TDRD3: variants seen among roughly 807,000 people sequenced by gnomAD.
TDRD3 encodes tudor domain containing 3.
A neutral mutation model predicts 86.7 loss-of-function variants in TDRD3; 45 were observed. The observed-to-expected ratio is 0.52, with a 90% CI of 0.41 to 0.67. TDRD3 has a LOEUF of 0.67. Ranked by LOEUF, TDRD3 falls within the 30% of genes least tolerant of loss-of-function variation. TDRD3 has a pLI of 0.00. For missense variants in TDRD3, 814 were observed against 889.0 expected (o/e 0.92, Z 1.07); for synonymous variants, 298 against 301.7 (o/e 0.99, Z 0.13).
intron 1 of TDRD3, among the ~76,000 whole-genome samples, chr13:60,411,334 A>G (rs888958404): frequency 2.0e-5 from 3 of 152,236 alleles, no homozygotes; most frequent in African/African-American, 7.2e-5. Context: ...CTTAATACTT[A>G]AATAATACAT....
rs764523642 is a variant in TDRD3 at position 60,509,713 on chromosome 13, C to T, written c.859-50C>T. The T allele has an allele frequency of 1.1e-5, 17 of 1,609,110 alleles. No homozygotes were observed. In the East Asian group the frequency reaches 3.8e-4, roughly 36 times the overall value. ...ACAGTAAGTAGTTAAAAGTTTATGC[C>T]TTGCCTTATCTGTGGGCTATCAGCC... On this transcript the variant is annotated intron_variant, in intron 8 of 13. Transcript: ENST00000377881.
chr13:60,420,181 T>TAAC lies in TDRD3; in HGVS notation c.42-19492_42-19490dup, dbSNP rs543442625. On this transcript the variant is annotated intron_variant, in intron 1 of 13. Transcript: ENST00000377881. ...TCCATAAAGGTTAATGTTTTTTACC[T>TAAC]AACAACAACAACAACAAAAAGAAAT... is the stretch of plus-strand genomic sequence containing the variant. Among the ~76,000 whole-genome samples the TAAC allele has an allele frequency of 2.5e-3, 381 of 152,174 alleles. 2 individuals carry two copies. The highest frequency in any genetic ancestry group is 8.9e-3 in the African/African-American group (368 of 41,540).
intron 2 of TDRD3, among the ~76,000 whole-genome samples, chr13:60,442,754 T>C (rs1198923176): frequency 6.6e-6 from 1 of 152,062 alleles, no homozygotes; most frequent in Non-Finnish European, 1.5e-5. Context: ...CTTTGTGAGA[T>C]AGGATTGGTG....
intron 2 of TDRD3, among the ~76,000 whole-genome samples, chr13:60,440,057 C>T (rs1014484041): frequency 2.6e-5 from 4 of 151,940 alleles, no homozygotes; most frequent in South Asian, 2.1e-4. Flanking sequence ...ACAATAGCTA[C>T]GTAATAGTAG....
intron 12 of TDRD3, among the ~76,000 whole-genome samples, chr13:60,555,602 A>T (rs1203488852): frequency 4.6e-5 from 7 of 152,214 alleles, no homozygotes; most frequent in African/African-American, 7.2e-5. Context: ...GAGGTAAATG[A>T]TACCAACGTA....
At chr13:60,466,836 C>T (rs1051705704) in intron 4 of TDRD3, among the ~76,000 whole-genome samples, 1 of 151,930 alleles carries the variant, frequency 6.6e-6, no homozygotes, top group Admixed American at 6.6e-5. Context: ...TTCTCACTTC[C>T]TCTCTGGTGG....
chr13:60,532,467 T>C (rs1957606086), intron 11 of TDRD3, among the ~76,000 whole-genome samples: 1 of 152,190 alleles, frequency 6.6e-6, no homozygotes, highest in South Asian at 2.1e-4. Context: ...GGCTTCTAAA[T>C]GTCTTGTCAA....
chr13:60,480,241 T>C (rs78855830), intron 5 of TDRD3, among the ~76,000 whole-genome samples: 1,686 of 152,326 alleles, frequency 0.011, 39 homozygotes, highest in African/African-American at 0.039. Flanking sequence ...TCATTTTTCC[T>C]TTGCTTATGA....
At chr13:60,499,080 A>G (rs1956777887) in intron 8 of TDRD3, among the ~76,000 whole-genome samples, 1 of 152,210 alleles carries the variant, frequency 6.6e-6, no homozygotes, top group Non-Finnish European at 1.5e-5. Flanking sequence ...AAAAGGCCAA[A>G]TGGAAGCCAT....
chr13:60,441,237 CTT>C (rs1239993296), intron 2 of TDRD3, among the ~76,000 whole-genome samples: 1 of 151,922 alleles, frequency 6.6e-6, no homozygotes, highest in East Asian at 1.9e-4. Context: ...TTAAGAAAAA[CTT>C]TCTACAGATT....
intron 12 of TDRD3, among the ~76,000 whole-genome samples, chr13:60,555,823 G>C (rs1051630781): frequency 1.3e-5 from 2 of 150,676 alleles, no homozygotes; most frequent in African/African-American, 2.4e-5. Context: ...TTTTACATAG[G>C]GTAGGAAAAA....
rs879453073 is a variant in TDRD3 at position 60,397,626 on chromosome 13, CCGGGCGGCGGGCCTGGGCCCCGGGCGG to C, written c.41+239_41+265del. On this transcript the variant is annotated intron_variant, in intron 1 of 13. Transcript: ENST00000377881. ...GGCGGCGGCGGCGGCGGCCTGGGCCCCGGGCGGCGGGCCTGGGCCCCGGGCGGCGGGCGGCGGGCCTGGGGAGAGGCC... is the reference window on the plus strand; with the variant it reads ...GGCGGCGGCGGCGGCGGCCTGGGCCCCGGGCGGCGGGCCTGGGGAGAGGCC... Among the ~76,000 whole-genome samples the C allele has an allele frequency of 5.0e-3, 473 of 94,302 alleles. 6 individuals are homozygous for C. Among genetic ancestry groups the C allele is most frequent in the Middle Eastern group, 0.017 (3 of 176 alleles). The allele number at this position is 94,302 out of a possible 152,430, so 61.9% of individuals were successfully genotyped here. A position where few individuals can be genotyped will look rare whatever the true frequency, so the allele number is the denominator to read the frequency against.
At position 60,467,311 on chromosome 13, in the gene TDRD3, A is replaced by G. The variant is rs1363545065; in HGVS notation, c.427A>G (p.Asn143Asp). 2 of 1,613,830 alleles carry G rather than the reference A, an allele frequency of 1.2e-6. No homozygotes were observed. Among genetic ancestry groups the G allele is most frequent in the African/African-American group, 1.3e-5 (1 of 74,896 alleles). ...CATAAAAAATGGATTCCTGCTCTTG[A>G]ATGACTCTAACACCACAGTTCTTGG... ...VDIKNGFLLL[N>D]DSNTTVLGGE... The change falls in exon 5 of 14, where the codon AAT (asparagine) becomes GAT (aspartate). Residue 143 changes from asparagine to aspartate, a missense_variant. Coordinates refer to ENST00000377881, the MANE Select transcript of TDRD3 (RefSeq NM_001146070.2).
chr13:60,485,210 A>C (rs780502629), intron 6 of TDRD3, among the ~76,000 whole-genome samples: 6 of 151,930 alleles, frequency 3.9e-5, no homozygotes, highest in Non-Finnish European at 8.8e-5. Context: ...TACTATTTTT[A>C]CTGGTAAGAT....
At chr13:60,541,145 T>TTTTCTTTC (rs1957799649) in intron 12 of TDRD3, among the ~76,000 whole-genome samples, 2 of 138,866 alleles carry the variant, frequency 1.4e-5, no homozygotes, top group Non-Finnish European at 3.1e-5. Context: ...TTTGTTTTTC[T>TTTTCTTTC]ATTCTTTCTT....
chr13:60,562,783 A>C (rs1486563069), intron 12 of TDRD3, among the ~76,000 whole-genome samples: 1 of 152,234 alleles, frequency 6.6e-6, no homozygotes, highest in African/African-American at 2.4e-5. Context: ...CATAGCTATT[A>C]GGTGACAGTA....
rs754118001 is a variant in TDRD3, at chr13:60,509,880, A to G, written c.976A>G (p.Ser326Gly). ...LEAALNVLLT[S>G]NKQKPVMGPP... ...AGCAGCACTGAACGTACTTCTTACA[A>G]GCAATAAACAGAAACCTGTTATGGG... The change falls in exon 9 of 14, where the codon AGC (serine) becomes GGC (glycine). Residue 326 changes from serine (S) to glycine (G), a missense_variant. Ser to Gly is a moderately conservative substitution (Grantham distance 56). Transcript: ENST00000377881. 2 of 1,613,768 alleles carry G rather than the reference A, an allele frequency of 1.2e-6. No individual in the cohort carries two copies. Among genetic ancestry groups the G allele is most frequent in the Non-Finnish European group, 1.7e-6 (2 of 1,179,668 alleles).
upstream of TDRD3, chr13:60,396,972 A>T (rs946929019): frequency 4.4e-5 from 7 of 160,276 alleles, no homozygotes; most frequent in African/African-American, 1.7e-4. Flanking sequence ...CAAACGCCAC[A>T]CTTTTGCTCT....
At chr13:60,449,585 G>A (rs1955487011) in intron 3 of TDRD3, among the ~76,000 whole-genome samples, 1 of 151,948 alleles carries the variant, frequency 6.6e-6, no homozygotes, top group African/African-American at 2.4e-5. Context: ...GATTGAATAC[G>A]AGCAACTTAT....
Sources: gnomAD v4.1 joint callset for allele counts (sites outside exome capture counted in the v4.1 genomes callset) on GRCh38, gnomAD v4.1.1 for gene constraint, MANE v1.5 for transcripts, NCBI Gene and HGNC (gene_info 2026-07-23, HGNC 2026-07-21) for gene names.